FSHR: variants seen among roughly 807,000 people sequenced by gnomAD.
The protein encoded by FSHR is follicle stimulating hormone receptor, also known as follicle-stimulating hormone receptor.
In FSHR, 46 loss-of-function variants were observed where a neutral mutation model predicts 52.1. That is an observed-to-expected ratio of 0.88 (90% CI 0.70 to 1.13). The LOEUF (loss-of-function observed/expected upper bound fraction) is 1.13. FSHR is among the 50% of genes most tolerant of loss of function. The probability of loss-of-function intolerance (pLI) is 0.00; values close to 1 mark genes in which losing one functional copy is unlikely to be tolerated. For synonymous variants in FSHR, 399 were observed against 309.6 expected (o/e 1.29, Z -3.03); for missense variants, 964 against 834.6 (o/e 1.16, Z -1.91).
intron 4 of FSHR, among the ~76,000 whole-genome samples, chr2:48,993,323 G>A (rs1018508631): frequency 6.6e-6 from 1 of 151,974 alleles, no homozygotes; most frequent in Non-Finnish European, 1.5e-5. Flanking sequence ...TCCACCAAAC[G>A]GCTTCTTCTC....
intron 2 of FSHR, among the ~76,000 whole-genome samples, chr2:49,021,831 T>TTCTCTCTCTCTCTCTCTCTCTCTCTCTC (rs1553334822): frequency 2.1e-5 from 1 of 46,536 alleles, no homozygotes. Context: ...GGGTATGTGT[T>TTCTCTCTCTCTCTCTCTCTCTCTCTCTC]TCTCTCTCTC....
At chr2:49,048,232 A>G (rs185117683) in intron 2 of FSHR, among the ~76,000 whole-genome samples, 3 of 151,976 alleles carry the variant, frequency 2.0e-5, no homozygotes, top group African/African-American at 7.2e-5. Flanking sequence ...TCATACCTCA[A>G]GAAGACTGGA....
chr2:49,022,837 G>A (rs1328725492), intron 2 of FSHR, among the ~76,000 whole-genome samples: 1 of 152,160 alleles, frequency 6.6e-6, no homozygotes, highest in African/African-American at 2.4e-5. Flanking sequence ...ACAATTTTCA[G>A]AGATGAGTCT....
chr2:48,975,458 C>T (rs1674943865), intron 8 of FSHR, among the ~76,000 whole-genome samples: 1 of 152,162 alleles, frequency 6.6e-6, no homozygotes, highest in Admixed American at 6.5e-5. Context: ...GCATGTCTGT[C>T]TCCTTGTTGA....
At position 49,114,010 on chromosome 2, in the gene FSHR, G is replaced by C. The variant is rs547112018; in HGVS notation, c.152+40256C>G. ...AGTTTATCAAGAGCTCATTTTTCCA[G>C]CTTCCAGGTCACACCAGCAAAGCAT... On this transcript the variant is annotated intron_variant, in intron 1 of 9. Coordinates refer to ENST00000406846, the MANE Select transcript of FSHR (RefSeq NM_000145.4). Among the ~76,000 whole-genome samples the C allele has an allele frequency of 2.0e-5, 3 of 152,218 alleles. No individual in the cohort carries two copies. The South Asian group carries it at 6.2e-4, about 32-fold the overall frequency.
chr2:49,038,121 C>T (rs188375673), intron 2 of FSHR, among the ~76,000 whole-genome samples: 1 of 152,160 alleles, frequency 6.6e-6, no homozygotes, highest in African/African-American at 2.4e-5. Flanking sequence ...TTTATGAGTT[C>T]ATTAATAGTT....
intron 1 of FSHR, among the ~76,000 whole-genome samples, chr2:49,137,504 A>G (rs913847164): frequency 1.3e-5 from 2 of 152,090 alleles, no homozygotes; most frequent in Admixed American, 1.3e-4. Context: ...TAAAATATAT[A>G]TGGAATTGCA....
intron 2 of FSHR, among the ~76,000 whole-genome samples, chr2:49,027,192 G>A (rs1300129263): frequency 6.6e-6 from 1 of 152,058 alleles, no homozygotes; most frequent in Admixed American, 6.6e-5. Context: ...ACTCTCTTCT[G>A]TATTTCTTGC....
chr2:49,074,014 C>T (rs1178344833), intron 1 of FSHR, among the ~76,000 whole-genome samples: 3 of 151,996 alleles, frequency 2.0e-5, no homozygotes, highest in Non-Finnish European at 4.4e-5. Flanking sequence ...ATACTTCCAC[C>T]TCTCATTCTA....
intron 2 of FSHR, among the ~76,000 whole-genome samples, chr2:49,023,627 C>A (rs954156950): frequency 1.3e-5 from 2 of 152,110 alleles, no homozygotes; most frequent in African/African-American, 2.4e-5. Flanking sequence ...TTTATCCGTG[C>A]CTCTCTGGGT....
chr2:48,985,959 C>G (rs564270981), intron 6 of FSHR, among the ~76,000 whole-genome samples: 1 of 151,890 alleles, frequency 6.6e-6, no homozygotes, highest in African/African-American at 2.4e-5. Flanking sequence ...ATGATCCACC[C>G]GCCTCGGCCT....
chr2:49,014,518 A>T (rs756056927), intron 4 of FSHR, among the ~76,000 whole-genome samples: 1 of 152,004 alleles, frequency 6.6e-6, no homozygotes, highest in Non-Finnish European at 1.5e-5. Flanking sequence ...TGTGCTTTCC[A>T]TGCCCACATC....
chr2:48,976,977 G>C (rs1160189345), intron 8 of FSHR, among the ~76,000 whole-genome samples: 1 of 151,936 alleles, frequency 6.6e-6, no homozygotes, highest in Non-Finnish European at 1.5e-5. Flanking sequence ...TCGTGTCTCT[G>C]TCTCCTTCAG....
intron 1 of FSHR, among the ~76,000 whole-genome samples, chr2:49,139,711 C>T (rs1025194455): frequency 2.0e-5 from 3 of 151,648 alleles, no homozygotes; most frequent in South Asian, 4.2e-4. Context: ...CATTCTCCTG[C>T]CTCAGCCTCC....
intron 2 of FSHR, among the ~76,000 whole-genome samples, chr2:49,059,849 C>G (rs11679050): frequency 1.3e-5 from 2 of 151,702 alleles, no homozygotes; most frequent in African/African-American, 2.4e-5. Flanking sequence ...GAAACAAAAT[C>G]AAAAATAAAG....
intron 4 of FSHR, among the ~76,000 whole-genome samples, chr2:48,998,128 C>A (rs1460251470): frequency 1.3e-5 from 2 of 151,940 alleles, no homozygotes; most frequent in African/African-American, 4.8e-5. Flanking sequence ...ATGACTTATA[C>A]ATTTTTTTTT....
intron 1 of FSHR, among the ~76,000 whole-genome samples, chr2:49,117,134 G>T (rs1308612754): frequency 6.6e-6 from 1 of 152,130 alleles, no homozygotes; most frequent in Non-Finnish European, 1.5e-5. Flanking sequence ...AGAAAAAAAG[G>T]TTCACAGGAG....
intron 1 of FSHR, among the ~76,000 whole-genome samples, chr2:49,095,243 G>C (rs1572737625): frequency 6.6e-6 from 1 of 152,136 alleles, no homozygotes; most frequent in Non-Finnish European, 1.5e-5. Flanking sequence ...CAGAGCTACA[G>C]TAATAAGATG....
chr2:48,989,133 T>C (rs1179005266), intron 5 of FSHR, 79 bp from the exon 6 acceptor site: 1 of 1,044,180 alleles, frequency 9.6e-7, no homozygotes, highest in African/African-American at 1.6e-5. Flanking sequence ...TTAACTGGCA[T>C]GATGCGGTCT....
Sources: allele counts gnomAD v4.1 joint callset (sites outside exome capture counted in the v4.1 genomes callset), GRCh38; gene constraint gnomAD v4.1.1; transcripts MANE v1.5; gene names NCBI Gene and HGNC (gene_info 2026-07-23, HGNC 2026-07-21).